The following NUP93 variants were observed in gnomAD, a reference collection of about 807,000 sequenced individuals.
NUP93 encodes nucleoporin 93.
NUP93 carries 55 observed loss-of-function variants against 107.8 expected under a neutral mutation model. The ratio of observed to expected loss-of-function variants is 0.51; its 90% CI spans 0.41 to 0.64. NUP93 has a LOEUF of 0.64. NUP93 is among the 30% of genes least tolerant of loss of function. The pLI, the probability that NUP93 is intolerant of heterozygous loss-of-function variation, is 0.00. For synonymous variants in NUP93, 390 were observed against 397.5 expected (o/e 0.98, Z 0.22); for missense variants, 937 against 1,044.7 (o/e 0.90, Z 1.42).
chr16:56,832,053 G>T, intron 11 of NUP93, 46 bp downstream of exon 11: 1 of 1,605,586 alleles, frequency 6.2e-7, no homozygotes, highest in Non-Finnish European at 8.5e-7. Flanking sequence ...CCCCTTTTCT[G>T]TGCTCAAGTC....
At chr16:56,838,278 A>G (rs1328606501) in intron 18 of NUP93, among the ~76,000 whole-genome samples, 1 of 152,178 alleles carries the variant, frequency 6.6e-6, no homozygotes, top group Non-Finnish European at 1.5e-5. Context: ...TTCCCGGGGT[A>G]ACAAAAAAGA....
At chr16:56,818,632 C>T (rs2144604168) in intron 5 of NUP93, 32 bp from the exon 6 acceptor site, 1 of 1,551,438 alleles carries the variant, frequency 6.4e-7, no homozygotes, top group Non-Finnish European at 8.9e-7. Context: ...AATACTGTCC[C>T]TAACTGATTC....
chr16:56,790,108 A>T (rs1962724147), intron 3 of NUP93, among the ~76,000 whole-genome samples: 1 of 151,866 alleles, frequency 6.6e-6, no homozygotes, highest in Non-Finnish European at 1.5e-5. Context: ...AAAACAAAAC[A>T]AAACAAAACA....
At chr16:56,827,533 T>G (rs552898313) in intron 8 of NUP93, among the ~76,000 whole-genome samples, 1 of 152,306 alleles carries the variant, frequency 6.6e-6, no homozygotes, top group South Asian at 2.1e-4. Flanking sequence ...TTCAAGCAAG[T>G]GAATCATATC....
At chr16:56,806,512 A>G (rs1388022633) in intron 5 of NUP93, among the ~76,000 whole-genome samples, 1 of 152,174 alleles carries the variant, frequency 6.6e-6, no homozygotes, top group African/African-American at 2.4e-5. Flanking sequence ...TCTAAGCACA[A>G]TCAGGGTATT....
chr16:56,753,145 A>T (rs191968667), intron 2 of NUP93, among the ~76,000 whole-genome samples: 2 of 152,240 alleles, frequency 1.3e-5, no homozygotes, highest in Non-Finnish European at 2.9e-5. Context: ...GGGTAATTAC[A>T]TAGTTGATTT....
At chr16:56,744,638 T>C (rs1300370345) in intron 1 of NUP93, among the ~76,000 whole-genome samples, 1 of 152,246 alleles carries the variant, frequency 6.6e-6, no homozygotes, top group African/African-American at 2.4e-5. Flanking sequence ...TTTTTACTTC[T>C]ACCCTGAAGT....
intron 3 of NUP93, among the ~76,000 whole-genome samples, chr16:56,786,660 A>T (rs1962633981): frequency 6.6e-6 from 1 of 152,160 alleles, no homozygotes; most frequent in South Asian, 2.1e-4. Context: ...TTGCAAGTTG[A>T]GCTTTTGGGT....
Position 56,830,656 on chromosome 16 carries a change from C to G in NUP93, c.1056C>G (p.Phe352Leu). The G allele has an allele frequency of 6.2e-7, 1 of 1,600,270 alleles. No homozygotes were observed. Among genetic ancestry groups the G allele is most frequent in the East Asian group, 2.2e-5 (1 of 44,528 alleles). ...QHQLGEFKTW[F>L]QEYMNSKDRR... ...AGCTGGGAGAGTTTAAAACCTGGTT[C>G]CAGGAGTACATGAACAGCAAGGACA... The change falls in exon 10 of 22, where the codon TTC becomes TTG. Residue 352 changes from phenylalanine to leucine, a missense_variant. By Grantham distance (22) the Phe-to-Leu change is conservative. Coordinates refer to ENST00000308159, the MANE Select transcript of NUP93 (RefSeq NM_014669.5).
chr16:56,812,645 C>G (rs1215849014), intron 5 of NUP93, among the ~76,000 whole-genome samples: 1 of 152,020 alleles, frequency 6.6e-6, no homozygotes, highest in African/African-American at 2.4e-5. Context: ...GTCCGCCCCC[C>G]TAGCAAGTTT....
At chr16:56,786,346 AC>A (rs1246101700) in intron 3 of NUP93, among the ~76,000 whole-genome samples, 1 of 152,236 alleles carries the variant, frequency 6.6e-6, no homozygotes, top group African/African-American at 2.4e-5. Flanking sequence ...TCAAGGTCAT[AC>A]ATCTGGAAAG....
At chr16:56,805,683 AG>A (rs1445497820) in intron 5 of NUP93, 51 bp downstream of exon 5, 1 of 1,566,354 alleles carries the variant, frequency 6.4e-7, no homozygotes, top group Non-Finnish European at 8.7e-7. Context: ...ATGAAGTCAA[AG>A]AATACTTGTC....
intron 5 of NUP93, among the ~76,000 whole-genome samples, chr16:56,814,557 C>T (rs1378228181): frequency 1.3e-5 from 2 of 152,184 alleles, no homozygotes; most frequent in Non-Finnish European, 2.9e-5. Flanking sequence ...TCCCTGAATA[C>T]ACTTTGTACA....
At chr16:56,763,285 A>G (rs1962158036) in intron 3 of NUP93, among the ~76,000 whole-genome samples, 1 of 152,178 alleles carries the variant, frequency 6.6e-6, no homozygotes, top group South Asian at 2.1e-4. Context: ...GAGGGTGACT[A>G]CTTATATCTG....
chr16:56,799,514 G>A (rs1962975570), intron 4 of NUP93, among the ~76,000 whole-genome samples: 1 of 152,140 alleles, frequency 6.6e-6, no homozygotes, highest in South Asian at 2.1e-4. Context: ...CTTTTGATGA[G>A]GGAAAAGAAA....
At chr16:56,823,897 A>G (rs768352806) in intron 8 of NUP93, 51 bp downstream of exon 8, 11 of 1,594,062 alleles carry the variant, frequency 6.9e-6, no homozygotes, top group East Asian at 2.2e-5. Context: ...TTTGCAGTCA[A>G]CTGTTTCTCA....
In NUP93 at chr16:56,841,551, A is replaced by G. The variant is rs533581339; in HGVS notation, c.2221-154A>G. 9.4e-6 allele frequency: 8 copies of G among 853,514 alleles called. No individual in the cohort carries two copies. The South Asian group carries it at 1.1e-4, about 11-fold the overall frequency. 52.9% of individuals were successfully genotyped at this position (853,514 alleles called of 1,614,324 possible). A position where few individuals can be genotyped will look rare whatever the true frequency, so the allele number is the denominator to read the frequency against. ...TTCTCACACTTGATGTTTCAGTGCCATCAGCTCCTTTTGGGTGACTGTGTG... is the reference window on the plus strand; with the variant it reads ...TTCTCACACTTGATGTTTCAGTGCCGTCAGCTCCTTTTGGGTGACTGTGTG... On this transcript the variant is annotated intron_variant, in intron 20 of 21. Coordinates refer to ENST00000308159, the MANE Select transcript of NUP93 (RefSeq NM_014669.5).
At chr16:56,838,807 C>T in intron 18 of NUP93, 145 bp from the exon 19 acceptor site, 1 of 666,428 alleles carries the variant, frequency 1.5e-6, no homozygotes, top group Non-Finnish European at 2.7e-6. Context: ...TCAAGCAATC[C>T]TTCCGCCCCA....
At chr16:56,825,092 T>C (rs1449820649) in intron 8 of NUP93, among the ~76,000 whole-genome samples, 3 of 152,038 alleles carry the variant, frequency 2.0e-5, no homozygotes, top group East Asian at 1.9e-4. Flanking sequence ...AGTCTGGCTC[T>C]GTCACCCATG....
Sources: gnomAD v4.1 joint callset for allele counts (sites outside exome capture counted in the v4.1 genomes callset) on GRCh38, gnomAD v4.1.1 for gene constraint, MANE v1.5 for transcripts, NCBI Gene and HGNC (gene_info 2026-07-23, HGNC 2026-07-21) for gene names.